Variants in GAREM1 observed in about 807,000 individuals in gnomAD.
GAREM1 encodes GRB2-associated and regulator of MAPK protein 1.
GAREM1 carries 26 observed loss-of-function variants against 71.3 expected under a neutral mutation model. The observed-to-expected ratio is 0.36, with a 90% CI of 0.27 to 0.51. GAREM1 has a LOEUF of 0.51. Ranked by LOEUF, GAREM1 falls within the 20% of genes least tolerant of loss-of-function variation. The probability of loss-of-function intolerance (pLI) is 0.95; values close to 1 mark genes in which losing one functional copy is unlikely to be tolerated. For missense variants in GAREM1, 1,026 were observed against 1,103.1 expected, an observed-to-expected ratio of 0.93 and a Z score of 0.99; for synonymous variants, 440 against 433.2, an observed-to-expected ratio of 1.02 and a Z score of -0.20.
In GAREM1 at chr18:32,267,906, T is replaced by G. The variant is rs1158685651; in HGVS notation, c.2596A>C (p.Met866Leu). ...KLSKLQVKKIMQFINGWRPKI is the reference protein window; with the variant it reads ...KLSKLQVKKILQFINGWRPKI ...GGCCTCCAGCCATTAATGAATTGCA[T>G]TATCTTCTTCACCTGCAATTTGCTC... The change falls in exon 6 of 6, where the codon ATG (methionine) becomes CTG (leucine). Residue 866 changes from methionine (M) to leucine (L), a missense_variant. By Grantham distance (15) the Met-to-Leu change is conservative. This residue lies in a region of GAREM1 where 636 missense variants were observed against 631.2 expected (regional missense o/e 1.01). Coordinates refer to ENST00000269209, the MANE Select transcript of GAREM1 (RefSeq NM_001242409.2). 6.2e-7 allele frequency: 1 copy of G among 1,613,638 alleles called. No individual in the cohort carries two copies. The highest frequency in any genetic ancestry group is 1.3e-5 in the African/African-American group (1 of 74,912).
chr18:32,318,908 A>C (rs1185120648), intron 2 of GAREM1, among the ~76,000 whole-genome samples: 1 of 152,224 alleles, frequency 6.6e-6, no homozygotes, highest in Non-Finnish European at 1.5e-5. Context: ...CAAGAGCAAC[A>C]GAAATGGGAC....
intron 3 of GAREM1, among the ~76,000 whole-genome samples, chr18:32,301,701 A>G (rs1423546923): frequency 1.3e-5 from 2 of 152,188 alleles, no homozygotes; most frequent in Non-Finnish European, 2.9e-5. Context: ...CACTTTTGCT[A>G]TAAAACCCGG....
At chr18:32,457,195 T>G (rs2048898235) in intron 1 of GAREM1, among the ~76,000 whole-genome samples, 1 of 60,194 alleles carries the variant, frequency 1.7e-5, no homozygotes. Flanking sequence ...AGAGATTGTG[T>G]GTGTAGGGGG....
At chr18:32,338,927 G>C (rs1280090976) in intron 2 of GAREM1, among the ~76,000 whole-genome samples, 1 of 152,056 alleles carries the variant, frequency 6.6e-6, no homozygotes, top group Non-Finnish European at 1.5e-5. Context: ...ATGTGCGAGG[G>C]GCTCATCCAA....
chr18:32,268,568 T>A lies in GAREM1; in HGVS notation c.1934A>T (p.Asp645Val). The change falls in exon 6 of 6, where the codon GAT (aspartate) becomes GTT (valine). Residue 645 changes from aspartate (D) to valine (V), a missense_variant. Asp to Val is a radical substitution (Grantham distance 152). Coordinates refer to ENST00000269209, the MANE Select transcript of GAREM1 (RefSeq NM_001242409.2). ...AGGGTAACTATAACTCCTGCTTGGATCCAGCAGGAAGTCACTCCTGGTCTG... is the reference window on the plus strand; with the variant it reads ...AGGGTAACTATAACTCCTGCTTGGAACCAGCAGGAAGTCACTCCTGGTCTG... ...ESQTRSDFLL[D>V]PSRSYSYPRQ... 6.2e-7 allele frequency: 1 copy of A among 1,614,068 alleles called. No individual in the cohort carries two copies. Among genetic ancestry groups the A allele is most frequent in the Non-Finnish European group, 8.5e-7 (1 of 1,179,996 alleles).
At chr18:32,341,858 CAT>C (rs2047650933) in intron 2 of GAREM1, among the ~76,000 whole-genome samples, 1 of 151,902 alleles carries the variant, frequency 6.6e-6, no homozygotes, top group Non-Finnish European at 1.5e-5. Flanking sequence ...TCCAGATTTA[CAT>C]AGAGGATAAA....
intron 1 of GAREM1, among the ~76,000 whole-genome samples, chr18:32,457,731 T>C (rs1324623452): frequency 6.6e-6 from 1 of 152,142 alleles, no homozygotes; most frequent in East Asian, 1.9e-4. Context: ...AGGTGCTAAA[T>C]TGGCAGAGTG....
At chr18:32,445,814 C>A (rs578247174) in intron 1 of GAREM1, among the ~76,000 whole-genome samples, 11 of 152,150 alleles carry the variant, frequency 7.2e-5, no homozygotes, top group African/African-American at 2.7e-4. Context: ...ATATAATAAT[C>A]CCAGAATCAA....
At chr18:32,441,309 T>C (rs1025268232) in intron 1 of GAREM1, among the ~76,000 whole-genome samples, 2 of 151,248 alleles carry the variant, frequency 1.3e-5, no homozygotes, top group Non-Finnish European at 2.9e-5. Context: ...GCGGCCAAAG[T>C]CCAACAACAA....
At chr18:32,348,929 G>A (rs2047722063) in intron 2 of GAREM1, among the ~76,000 whole-genome samples, 1 of 152,030 alleles carries the variant, frequency 6.6e-6, no homozygotes, top group Admixed American at 6.5e-5. Context: ...CATATTTGTT[G>A]GGCATTTACA....
chr18:32,290,191 C>T (rs2047067105), intron 3 of GAREM1: 1 of 151,730 alleles, frequency 6.6e-6, no homozygotes, highest in South Asian at 2.1e-4. Context: ...TATTTTCAGG[C>T]CATTTATCTT....
At chr18:32,381,640 T>C (rs1393673311) in intron 2 of GAREM1, among the ~76,000 whole-genome samples, 1 of 152,180 alleles carries the variant, frequency 6.6e-6, no homozygotes, top group Non-Finnish European at 1.5e-5. Context: ...CTCACCATCT[T>C]CTCATCCTCC....
chr18:32,311,669 C>T (rs1368104777), intron 2 of GAREM1, among the ~76,000 whole-genome samples: 1 of 152,142 alleles, frequency 6.6e-6, no homozygotes, highest in African/African-American at 2.4e-5. Flanking sequence ...AACAGTCTGC[C>T]CAAAGACTCT....
At chr18:32,386,180 C>T (rs2048145716) in intron 2 of GAREM1, among the ~76,000 whole-genome samples, 1 of 152,202 alleles carries the variant, frequency 6.6e-6, no homozygotes, top group Admixed American at 6.5e-5. Flanking sequence ...TGTTGTTCAA[C>T]ACTAGTAGTT....
intron 2 of GAREM1, among the ~76,000 whole-genome samples, chr18:32,329,062 T>C (rs2047502186): frequency 1.3e-5 from 2 of 152,116 alleles, no homozygotes; most frequent in African/African-American, 4.8e-5. Flanking sequence ...ACCAGCCAAA[T>C]AAATGCAAAT....
intron 2 of GAREM1, among the ~76,000 whole-genome samples, chr18:32,313,991 G>T (rs540757551): frequency 2.6e-5 from 4 of 151,942 alleles, no homozygotes; most frequent in African/African-American, 9.7e-5. Flanking sequence ...AGACATGAAA[G>T]AACAGCTCAT....
chr18:32,312,692 A>G (rs1477545589), intron 2 of GAREM1, among the ~76,000 whole-genome samples: 1 of 152,162 alleles, frequency 6.6e-6, no homozygotes, highest in Non-Finnish European at 1.5e-5. Context: ...ATGATGGGAG[A>G]AGAAACAAGC....
chr18:32,402,223 C>A (rs188673513), intron 1 of GAREM1, among the ~76,000 whole-genome samples: 7 of 152,192 alleles, frequency 4.6e-5, no homozygotes, highest in Non-Finnish European at 1.5e-5. Flanking sequence ...AAAAGAAGTG[C>A]ATGTTAAATT....
At chr18:32,431,670 A>G (rs1023772668) in intron 1 of GAREM1, among the ~76,000 whole-genome samples, 5 of 152,186 alleles carry the variant, frequency 3.3e-5, no homozygotes, top group African/African-American at 1.2e-4. Flanking sequence ...TAAAAACTCT[A>G]GAAATCTAGT....
Sources: gnomAD v4.1 joint callset for allele counts (sites outside exome capture counted in the v4.1 genomes callset) on GRCh38, gnomAD v4.1.1 for gene constraint, gnomAD v4.1.1 regional missense constraint, MANE v1.5 for transcripts, NCBI Gene and HGNC (gene_info 2026-07-23, HGNC 2026-07-21) for gene names.